CNTNAP2: variants seen among roughly 807,000 people sequenced by gnomAD.
CNTNAP2 encodes the protein contactin-associated protein-like 2.
Under a neutral mutation model 155.2 loss-of-function variants are expected in CNTNAP2, and 98 were observed. That is an observed-to-expected ratio of 0.63 (90% confidence interval 0.54 to 0.75). The LOEUF (loss-of-function observed/expected upper bound fraction) is 0.75. CNTNAP2 is among the 30% of genes least tolerant of loss of function. The pLI is 0.00. For missense variants in CNTNAP2, 1,727 were observed against 1,688.1 expected, an observed-to-expected ratio of 1.02 and a Z score of -0.40; for synonymous variants, 651 against 631.2, an observed-to-expected ratio of 1.03 and a Z score of -0.47.
At chr7:146,158,508 G>A (rs1003429700) in intron 1 of CNTNAP2, among the ~76,000 whole-genome samples, 20 of 152,242 alleles carry the variant, frequency 1.3e-4, no homozygotes, top group South Asian at 2.1e-4. Flanking sequence ...AAGATTAAAC[G>A]AATGGCTAAC....
chr7:146,173,477 T>C (rs1798424235), intron 1 of CNTNAP2, among the ~76,000 whole-genome samples: 1 of 151,638 alleles, frequency 6.6e-6, no homozygotes, highest in African/African-American at 2.4e-5. Flanking sequence ...CACACACTTA[T>C]ATCTTGCTTG....
At chr7:148,253,994 G>T (rs1403358660) in intron 20 of CNTNAP2, among the ~76,000 whole-genome samples, 2 of 151,910 alleles carry the variant, frequency 1.3e-5, no homozygotes, top group African/African-American at 2.4e-5. Flanking sequence ...CTGTATTTTT[G>T]ATCCGCATTT....
chr7:147,852,294 T>C (rs1798960062), intron 13 of CNTNAP2, among the ~76,000 whole-genome samples: 1 of 152,200 alleles, frequency 6.6e-6, no homozygotes, highest in Non-Finnish European at 1.5e-5. Flanking sequence ...CATCCACTCT[T>C]CCTATTTTGC....
intron 18 of CNTNAP2, among the ~76,000 whole-genome samples, chr7:148,213,526 C>G (rs1214838731): frequency 6.6e-6 from 1 of 152,148 alleles, no homozygotes; most frequent in Non-Finnish European, 1.5e-5. Flanking sequence ...GCACATCATC[C>G]TGCCTGCCCC....
At chr7:148,352,044 G>A (rs141940743) in intron 21 of CNTNAP2, among the ~76,000 whole-genome samples, 2 of 152,140 alleles carry the variant, frequency 1.3e-5, no homozygotes, top group Non-Finnish European at 2.9e-5. Context: ...GAATTTGTGC[G>A]TATCTTCTCC....
chr7:146,598,911 A>T (rs1419943352), intron 1 of CNTNAP2, among the ~76,000 whole-genome samples: 1 of 152,080 alleles, frequency 6.6e-6, no homozygotes, highest in Admixed American at 6.6e-5. Flanking sequence ...TGGAGAATGC[A>T]CTAAATGCAC....
intron 1 of CNTNAP2, among the ~76,000 whole-genome samples, chr7:146,544,255 A>G (rs12538689): frequency 0.62 from 93,967 of 151,276 alleles, 30,007 homozygotes; most frequent in African/African-American, 0.72. Context: ...CAAGTGACTC[A>G]CTGTGTTTCT....
At chr7:147,575,338 TGA>T (rs1218011052) in intron 12 of CNTNAP2, among the ~76,000 whole-genome samples, 2 of 108,682 alleles carry the variant, frequency 1.8e-5, no homozygotes, top group African/African-American at 3.7e-5. Context: ...TGTGTGTGTG[TGA>T]GAGACTGTGT....
chr7:147,140,702 T>A (rs547800220), intron 8 of CNTNAP2, among the ~76,000 whole-genome samples: 31 of 152,152 alleles, frequency 2.0e-4, no homozygotes, highest in Admixed American at 1.7e-3. Context: ...GATCTTAGCT[T>A]TGGTTGAGCA....
At chr7:147,993,058 T>C (rs1478766217) in intron 15 of CNTNAP2, among the ~76,000 whole-genome samples, 8 of 152,212 alleles carry the variant, frequency 5.3e-5, no homozygotes, top group Non-Finnish European at 1.0e-4. Context: ...TGTGGTATTC[T>C]CATTGACATA....
At chr7:147,962,316 A>G (rs1801131002) in intron 14 of CNTNAP2, among the ~76,000 whole-genome samples, 1 of 152,248 alleles carries the variant, frequency 6.6e-6, no homozygotes, top group South Asian at 2.1e-4. Context: ...CTGAATTAGA[A>G]TGTTAGTCTA....
intron 3 of CNTNAP2, among the ~76,000 whole-genome samples, chr7:146,865,957 C>T (rs572817007): frequency 1.3e-5 from 2 of 152,236 alleles, no homozygotes; most frequent in East Asian, 3.9e-4. Flanking sequence ...TTTGCGTCTG[C>T]TTCTCAGAAG....
At chr7:146,914,104 A>C (rs976871451) in intron 3 of CNTNAP2, among the ~76,000 whole-genome samples, 3 of 152,054 alleles carry the variant, frequency 2.0e-5, no homozygotes, top group South Asian at 2.1e-4. Flanking sequence ...TGGCTTTTTA[A>C]AAGTAATGTT....
At chr7:147,001,764 T>C (rs1798428208) in intron 3 of CNTNAP2, among the ~76,000 whole-genome samples, 2 of 151,344 alleles carry the variant, frequency 1.3e-5, no homozygotes, top group African/African-American at 4.9e-5. Context: ...GCTTGTCAGG[T>C]ATTTGAAAAA....
At position 147,270,312 on chromosome 7, in the gene CNTNAP2, C is replaced by A. The variant is rs74788262; in HGVS notation, c.1349-29829C>A. On this transcript the variant is annotated intron_variant, in intron 8 of 23. Coordinates refer to ENST00000361727, the MANE Select transcript of CNTNAP2 (RefSeq NM_014141.6). The stretch of plus-strand genomic sequence containing the variant: ...AATACTCAGTATGTATTTGTATGTA[C>A]ATAGTTTGTAAAAGGCTTTGTATGA... Among the ~76,000 whole-genome samples, 1,269 of 152,178 alleles carry A rather than the reference C, an allele frequency of 8.3e-3. 24 individuals are homozygous for A. The highest frequency in any genetic ancestry group is 0.028 in the African/African-American group (1,181 of 41,492).
chr7:147,042,871 A>AT (rs1799286217), intron 3 of CNTNAP2, among the ~76,000 whole-genome samples: 1 of 152,130 alleles, frequency 6.6e-6, no homozygotes, highest in Non-Finnish European at 1.5e-5. Context: ...TATTTGTATG[A>AT]TTTTAAGATA....
chr7:147,779,440 G>A (rs535850097), intron 13 of CNTNAP2, among the ~76,000 whole-genome samples: 13 of 152,298 alleles, frequency 8.5e-5, no homozygotes, highest in South Asian at 2.1e-4. Flanking sequence ...AAGGAGAAAC[G>A]TAGAGTAGAA....
At chr7:147,213,316 A>G (rs117674034) in intron 8 of CNTNAP2, among the ~76,000 whole-genome samples, 1,531 of 152,234 alleles carry the variant, frequency 0.01, 20 homozygotes, top group Middle Eastern at 0.024. Context: ...CACATTGGTG[A>G]GGGCCATCTT....
chr7:146,126,661 A>G (rs1797642338), intron 1 of CNTNAP2, among the ~76,000 whole-genome samples: 3 of 152,244 alleles, frequency 2.0e-5, no homozygotes, highest in Admixed American at 2.0e-4. Flanking sequence ...GATTGCTATT[A>G]CTAAAGTTAA....
Sources: gnomAD v4.1 joint callset for allele counts (sites outside exome capture counted in the v4.1 genomes callset) on GRCh38, gnomAD v4.1.1 for gene constraint, MANE v1.5 for transcripts, NCBI Gene and HGNC (gene_info 2026-07-23, HGNC 2026-07-21) for gene names.